The following CNTN3 variants were observed in gnomAD, a reference collection of about 807,000 sequenced individuals.
CNTN3 encodes the protein contactin-3.
A neutral mutation model predicts 119.1 loss-of-function variants in CNTN3; 60 were observed. The observed-to-expected ratio is 0.50, with a 90% confidence interval of 0.41 to 0.62. The LOEUF (loss-of-function observed/expected upper bound fraction) is 0.62, where lower values mean the gene tolerates loss of function less well. Among genes scored for constraint, CNTN3 ranks in the 20% least tolerant of loss-of-function variants. The pLI is 0.00. For missense variants in CNTN3, 1,101 were observed against 1,242.4 expected (o/e 0.89, Z 1.71); for synonymous variants, 450 against 438.7 (o/e 1.03, Z -0.32).
At chr3:74,500,148 T>G (rs1703140952) in intron 2 of CNTN3, among the ~76,000 whole-genome samples, 1 of 152,046 alleles carries the variant, frequency 6.6e-6, no homozygotes, top group Non-Finnish European at 1.5e-5. Context: ...GAATTCAAAA[T>G]GAATTCAACA....
At chr3:74,459,148 AT>A (rs1458258538) in intron 4 of CNTN3, among the ~76,000 whole-genome samples, 2 of 152,082 alleles carry the variant, frequency 1.3e-5, no homozygotes, top group African/African-American at 4.8e-5. Flanking sequence ...TCTGCCTTGT[AT>A]CAAGGTGTTT....
At chr3:74,417,152 G>C (rs551730869) in intron 5 of CNTN3, among the ~76,000 whole-genome samples, 1 of 152,136 alleles carries the variant, frequency 6.6e-6, no homozygotes, top group East Asian at 1.9e-4. Flanking sequence ...GCTGTGTCTG[G>C]CCAATAATAA....
chr3:74,395,249 T>C (rs1201073122), intron 5 of CNTN3, among the ~76,000 whole-genome samples: 2 of 152,096 alleles, frequency 1.3e-5, no homozygotes, highest in East Asian at 3.9e-4. Context: ...ATCAAACCAC[T>C]CTACCCAATC....
rs199789046 is a variant in CNTN3 at position 74,410,366 on chromosome 3, C to T, written c.454+14479G>A. On this transcript the variant is annotated intron_variant, in intron 5 of 22. Transcript: ENST00000263665. ...TTTCATGTGAGAGCCACAGGAAAAACAAAACACATCATGTGAGTATCTGTA... is the reference window on the plus strand; with the variant it reads ...TTTCATGTGAGAGCCACAGGAAAAATAAAACACATCATGTGAGTATCTGTA... Among the ~76,000 whole-genome samples the T allele has an allele frequency of 4.6e-5, 7 of 152,212 alleles. No individual in the cohort carries two copies. In the East Asian group the frequency reaches 1.4e-3, roughly 29 times the overall value.
intron 4 of CNTN3, among the ~76,000 whole-genome samples, chr3:74,485,000 G>A (rs1039744608): frequency 8.5e-5 from 13 of 152,098 alleles, no homozygotes; most frequent in Non-Finnish European, 1.8e-4. Context: ...AATAAGAAGA[G>A]GTCTAGTAGT....
At chr3:74,537,739 T>G (rs374352226) in intron 1 of CNTN3, among the ~76,000 whole-genome samples, 21 of 152,190 alleles carry the variant, frequency 1.4e-4, no homozygotes, top group African/African-American at 5.1e-4. Flanking sequence ...ACTGAGACTA[T>G]TCAACAAAAG....
intron 2 of CNTN3, among the ~76,000 whole-genome samples, chr3:74,504,333 A>G (rs1033647077): frequency 9.2e-5 from 14 of 152,204 alleles, no homozygotes; most frequent in African/African-American, 3.1e-4. Flanking sequence ...CCGTGCACTT[A>G]CAAGGCATCA....
At chr3:74,501,791 G>GAAA (rs11383452) in intron 2 of CNTN3, among the ~76,000 whole-genome samples, 11 of 147,192 alleles carry the variant, frequency 7.5e-5, no homozygotes, top group African/African-American at 5.0e-5. Flanking sequence ...ATTGCCAAAG[G>GAAA]AAAAAAAAAA....
chr3:74,440,690 A>G (rs977300541), intron 4 of CNTN3, among the ~76,000 whole-genome samples: 1 of 152,106 alleles, frequency 6.6e-6, no homozygotes, highest in African/African-American at 2.4e-5. Flanking sequence ...ACTGGGATAC[A>G]TGTGCAGAAC....
At chr3:74,604,885 T>C (rs978276627) in intron 1 of CNTN3, among the ~76,000 whole-genome samples, 2 of 152,158 alleles carry the variant, frequency 1.3e-5, no homozygotes, top group Non-Finnish European at 1.5e-5. Flanking sequence ...ATAGCCAAGA[T>C]ATTCAATACA....
At chr3:74,288,651 C>T (rs6802128) in intron 19 of CNTN3, among the ~76,000 whole-genome samples, 65,205 of 151,972 alleles carry the variant, frequency 0.43, 14,195 homozygotes, top group South Asian at 0.59. Flanking sequence ...ATTTCACAAG[C>T]GTAGACTTGT....
chr3:74,301,372 C>T lies in CNTN3; in HGVS notation c.2095+26G>A, dbSNP rs145958087. ...GGAAGTACACAGAAATCTATTAATCCATTACTCAGAAAAAAAAACACTAAC... is the reference window on the plus strand; with the variant it reads ...GGAAGTACACAGAAATCTATTAATCTATTACTCAGAAAAAAAAACACTAAC... On this transcript the variant is annotated intron_variant, in intron 16 of 22. Coordinates refer to ENST00000263665, the MANE Select transcript of CNTN3 (RefSeq NM_020872.3). 271 of 1,606,478 alleles carry T rather than the reference C, an allele frequency of 1.7e-4. No individual in the cohort carries two copies. The African/African-American group carries it at 3.2e-3, about 19-fold the overall frequency.
intron 8 of CNTN3, among the ~76,000 whole-genome samples, chr3:74,368,438 T>C (rs1318687840): frequency 1.3e-5 from 2 of 152,130 alleles, no homozygotes; most frequent in African/African-American, 2.4e-5. Context: ...AGTGCAAATA[T>C]ATATTCACTG....
chr3:74,555,559 G>A (rs932145882), intron 1 of CNTN3, among the ~76,000 whole-genome samples: 1 of 152,046 alleles, frequency 6.6e-6, no homozygotes, highest in Non-Finnish European at 1.5e-5. Flanking sequence ...TTTTTGGTTG[G>A]TAGGCTATTA....
At chr3:74,382,715 C>G (rs1479924008) in intron 5 of CNTN3, among the ~76,000 whole-genome samples, 3 of 152,192 alleles carry the variant, frequency 2.0e-5, no homozygotes, top group Admixed American at 6.5e-5. Flanking sequence ...TTTGTAAAGG[C>G]TTAAGAATAT....
At chr3:74,560,942 T>C (rs561466636) in intron 1 of CNTN3, among the ~76,000 whole-genome samples, 101 of 145,550 alleles carry the variant, frequency 6.9e-4, no homozygotes, top group Non-Finnish European at 1.3e-3. Flanking sequence ...AACCAAACAC[T>C]GCACGTTCTC....
chr3:74,450,520 T>G (rs1702130469), intron 4 of CNTN3, among the ~76,000 whole-genome samples: 1 of 150,860 alleles, frequency 6.6e-6, no homozygotes, highest in Non-Finnish European at 1.5e-5. Flanking sequence ...TTTTTTTTAA[T>G]TATTATTATA....
At chr3:74,521,948 A>G (rs1703549192) in intron 1 of CNTN3, among the ~76,000 whole-genome samples, 1 of 151,796 alleles carries the variant, frequency 6.6e-6, no homozygotes, top group African/African-American at 2.4e-5. Flanking sequence ...AGTTGGTACC[A>G]CACGGGGAAT....
intron 1 of CNTN3, among the ~76,000 whole-genome samples, chr3:74,541,240 C>T (rs1703838646): frequency 6.6e-6 from 1 of 152,274 alleles, no homozygotes; most frequent in South Asian, 2.1e-4. Flanking sequence ...AGTTACTCTC[C>T]TTGACACCCA....
Sources: gnomAD v4.1 joint callset for allele counts (sites outside exome capture counted in the v4.1 genomes callset) on GRCh38, gnomAD v4.1.1 for gene constraint, MANE v1.5 for transcripts, NCBI Gene and HGNC (gene_info 2026-07-23, HGNC 2026-07-21) for gene names.